Variants in DOCK1 observed in about 807,000 individuals in gnomAD.
DOCK1 encodes dedicator of cytokinesis 1.
A neutral mutation model predicts 262.7 loss-of-function variants in DOCK1; 138 were observed. The ratio of observed to expected loss-of-function variants is 0.53; its 90% CI spans 0.46 to 0.61. The LOEUF (loss-of-function observed/expected upper bound fraction) is 0.61. Among genes scored for constraint, DOCK1 ranks in the 20% least tolerant of loss-of-function variants. The pLI, the probability that DOCK1 is intolerant of heterozygous loss-of-function variation, is 0.00. For missense variants in DOCK1, 1,908 were observed against 2,370.7 expected (o/e 0.80, Z 4.05); for synonymous variants, 866 against 867.4 (o/e 1.00, Z 0.03).
intron 17 of DOCK1, 83 bp downstream of exon 17, chr10:127,031,836 C>G (rs2043260337): frequency 1.6e-6 from 2 of 1,241,264 alleles, no homozygotes; most frequent in Admixed American, 4.4e-5. Context: ...CAACCTTTCC[C>G]ATCATTGTGA....
chr10:127,073,079 G>A (rs143391484), intron 23 of DOCK1, among the ~76,000 whole-genome samples: 317 of 152,362 alleles, frequency 2.1e-3, no homozygotes, highest in African/African-American at 7.3e-3. Context: ...CACCGTAGGT[G>A]TTTGTAGATT....
intron 28 of DOCK1, among the ~76,000 whole-genome samples, chr10:127,250,113 T>A (rs1364751904): frequency 6.6e-6 from 1 of 152,184 alleles, no homozygotes; most frequent in Admixed American, 6.5e-5. Flanking sequence ...AGGAACAGTT[T>A]TGCAGATAAC....
At chr10:126,945,221 C>A (rs1013384946) in intron 1 of DOCK1, among the ~76,000 whole-genome samples, 3 of 152,032 alleles carry the variant, frequency 2.0e-5, no homozygotes, top group Non-Finnish European at 1.5e-5. Flanking sequence ...AAGGTGTCCA[C>A]GGGGGACAGA....
intron 25 of DOCK1, among the ~76,000 whole-genome samples, chr10:127,123,196 T>C: frequency 6.6e-6 from 1 of 152,216 alleles, no homozygotes; most frequent in East Asian, 1.9e-4. Context: ...TTTTTTTCCT[T>C]AGTCACATTG....
chr10:127,393,442 A>T (rs1019314052), intron 38 of DOCK1, among the ~76,000 whole-genome samples: 1 of 152,102 alleles, frequency 6.6e-6, no homozygotes, highest in African/African-American at 2.4e-5. Flanking sequence ...TGAAATGTCT[A>T]CAGCTTCCTA....
chr10:127,088,473 GAT>G (rs1184375452), intron 23 of DOCK1, among the ~76,000 whole-genome samples: 3 of 152,234 alleles, frequency 2.0e-5, no homozygotes, highest in African/African-American at 4.8e-5. Context: ...GTTTGTCCTG[GAT>G]ATATGTCTCT....
At chr10:127,142,743 C>G (rs746100807) in intron 27 of DOCK1, among the ~76,000 whole-genome samples, 42 of 152,296 alleles carry the variant, frequency 2.8e-4, no homozygotes, top group Non-Finnish European at 5.7e-4. Context: ...GAACCATCCA[C>G]CCAAACACTC....
chr10:127,026,243 A>C, intron 15 of DOCK1, 109 bp from the exon 16 acceptor site: 1 of 1,047,566 alleles, frequency 9.5e-7, no homozygotes, highest in Non-Finnish European at 1.4e-6. Context: ...TATTTTCACC[A>C]CTGCAGTTAG....
intron 23 of DOCK1, among the ~76,000 whole-genome samples, chr10:127,085,080 A>G (rs1252035724): frequency 1.3e-5 from 2 of 152,128 alleles, no homozygotes; most frequent in East Asian, 1.9e-4. Flanking sequence ...CTCTGTAATA[A>G]TGGAGAAGCC....
chr10:127,394,117 C>CA (rs1378471147), intron 38 of DOCK1, among the ~76,000 whole-genome samples: 1 of 151,980 alleles, frequency 6.6e-6, no homozygotes, highest in Non-Finnish European at 1.5e-5. Context: ...GGATGAGGGT[C>CA]AAAAATAGAA....
At chr10:127,345,125 A>G (rs1480689062) in intron 31 of DOCK1, among the ~76,000 whole-genome samples, 1 of 152,152 alleles carries the variant, frequency 6.6e-6, no homozygotes, top group Non-Finnish European at 1.5e-5. Flanking sequence ...GTGTAAGTTC[A>G]CTCAGCAGCG....
chr10:127,119,299 A>G (rs922788195), intron 25 of DOCK1, among the ~76,000 whole-genome samples: 16 of 152,130 alleles, frequency 1.1e-4, no homozygotes, highest in African/African-American at 3.9e-4. Context: ...CTCCTGACTC[A>G]GCCTCCCAAG....
At chr10:127,214,892 A>T (rs931869394) in intron 27 of DOCK1, among the ~76,000 whole-genome samples, 3 of 152,166 alleles carry the variant, frequency 2.0e-5, no homozygotes, top group Non-Finnish European at 2.9e-5. Flanking sequence ...TGATATTGTC[A>T]TTTTAAACAT....
chr10:127,291,747 C>A (rs1402746284), intron 29 of DOCK1, among the ~76,000 whole-genome samples: 1 of 152,242 alleles, frequency 6.6e-6, no homozygotes, highest in East Asian at 1.9e-4. Context: ...TCCTGTTGCG[C>A]TGGCTGTGTA....
intron 29 of DOCK1, among the ~76,000 whole-genome samples, chr10:127,272,851 CTCT>C (rs1345941541): frequency 6.6e-6 from 1 of 152,214 alleles, no homozygotes; most frequent in Non-Finnish European, 1.5e-5. Flanking sequence ...TGCATGGAAA[CTCT>C]TCTTTTTAAA....
At chr10:127,393,570 C>G (rs901061620) in intron 38 of DOCK1, among the ~76,000 whole-genome samples, 3 of 152,062 alleles carry the variant, frequency 2.0e-5, no homozygotes, top group African/African-American at 7.2e-5. Context: ...TCTCTGTGCT[C>G]CCCGGGAGAG....
intron 51 of DOCK1, among the ~76,000 whole-genome samples, chr10:127,450,144 C>T (rs7897776): frequency 0.59 from 89,926 of 152,090 alleles, 27,150 homozygotes; most frequent in Middle Eastern, 0.72. Flanking sequence ...TAAGGTCATA[C>T]ACTCATAGGA....
At chr10:127,201,565 G>C (rs2057461725) in intron 27 of DOCK1, among the ~76,000 whole-genome samples, 1 of 152,172 alleles carries the variant, frequency 6.6e-6, no homozygotes, top group African/African-American at 2.4e-5. Context: ...GAAATGGAAG[G>C]TTTTCCTTTT....
chr10:127,220,405 C>T (rs925260446), intron 27 of DOCK1, among the ~76,000 whole-genome samples: 3 of 151,824 alleles, frequency 2.0e-5, no homozygotes, highest in Non-Finnish European at 4.4e-5. Flanking sequence ...ATGAACTGCA[C>T]GTGGGGCTGC....
Sources: allele counts gnomAD v4.1 joint callset (sites outside exome capture counted in the v4.1 genomes callset), GRCh38; gene constraint gnomAD v4.1.1; transcripts MANE v1.5; gene names NCBI Gene and HGNC (gene_info 2026-07-23, HGNC 2026-07-21).